PDE8B: variants seen among roughly 807,000 people sequenced by gnomAD.
PDE8B encodes the protein high affinity cAMP-specific and IBMX-insensitive 3',5'-cyclic phosphodiesterase 8B.
In PDE8B, 26 loss-of-function variants were observed where a neutral mutation model predicts 101.3. The ratio of observed to expected loss-of-function variants is 0.26; its 90% CI spans 0.19 to 0.36. The LOEUF (loss-of-function observed/expected upper bound fraction) is 0.36, where lower values mean the gene tolerates loss of function less well. PDE8B is among the 10% of genes least tolerant of loss of function. PDE8B has a pLI of 1.00. For missense variants in PDE8B, 810 were observed against 1,163.1 expected (o/e 0.70, Z 4.42); for synonymous variants, 424 against 429.3 (o/e 0.99, Z 0.15).
chr5:77,162,785 A>G, the PDE8B span, among the ~76,000 whole-genome samples: 14 of 152,314 alleles, frequency 9.2e-5, no homozygotes, highest in East Asian at 2.3e-3. Flanking sequence ...TGATTTACCA[A>G]TGGGCAGAGA....
At chr5:77,214,839 G>A (rs982805691) in intron 1 of PDE8B, among the ~76,000 whole-genome samples, 4 of 152,170 alleles carry the variant, frequency 2.6e-5, no homozygotes, top group Non-Finnish European at 5.9e-5. Flanking sequence ...TGGGGCCTGA[G>A]AATTTGAATT....
the PDE8B span, among the ~76,000 whole-genome samples, chr5:77,191,640 A>T: frequency 3.3e-5 from 5 of 152,186 alleles, no homozygotes; most frequent in African/African-American, 4.8e-5. Context: ...GGCGTGAGCC[A>T]CTGTGCCCGG....
chr5:77,197,658 T>C, the PDE8B span, among the ~76,000 whole-genome samples: 2 of 150,538 alleles, frequency 1.3e-5, no homozygotes, highest in Non-Finnish European at 2.9e-5. Context: ...TCTTTTCTTC[T>C]TTATTAGTCT....
intron 4 of PDE8B, among the ~76,000 whole-genome samples, chr5:77,330,064 C>T (rs1405490944): frequency 1.3e-5 from 2 of 152,204 alleles, no homozygotes; most frequent in African/African-American, 4.8e-5. Context: ...CTCACTGGTT[C>T]ATTACACCTC....
chr5:77,120,593 AATAAG>A, the PDE8B span, among the ~76,000 whole-genome samples: 1 of 152,238 alleles, frequency 6.6e-6, no homozygotes, highest in African/African-American at 2.4e-5. Flanking sequence ...AAAGAAATAG[AATAAG>A]ATATTAGTTG....
At chr5:77,101,134 T>TG in the PDE8B span, among the ~76,000 whole-genome samples, 1 of 149,324 alleles carries the variant, frequency 6.7e-6, no homozygotes, top group South Asian at 2.1e-4. Flanking sequence ...CACGCCTGCC[T>TG]GTTTTTTTTT....
chr5:77,290,443 A>G (rs1446620327), intron 1 of PDE8B: 1 of 1,451,582 alleles, frequency 6.9e-7, no homozygotes, highest in Non-Finnish European at 9.7e-7. Context: ...AGTGTGGCAG[A>G]CTATGAAGAA....
intron 20 of PDE8B, among the ~76,000 whole-genome samples, chr5:77,423,626 T>A (rs1678770): frequency 0.025 from 2,568 of 104,752 alleles, 86 homozygotes; most frequent in Non-Finnish European, 0.035. Context: ...ACTTTTGTTT[T>A]GTTTAGTTTT....
At chr5:77,325,503 G>T (rs1240115705) in intron 2 of PDE8B, 36 bp from the exon 3 acceptor site, 2 of 1,592,936 alleles carry the variant, frequency 1.3e-6, no homozygotes, top group South Asian at 1.1e-5. Flanking sequence ...TATGGATGAT[G>T]ATTTATTTCA....
At chr5:77,234,023 T>C (rs543682058) in intron 1 of PDE8B, among the ~76,000 whole-genome samples, 2 of 152,162 alleles carry the variant, frequency 1.3e-5, no homozygotes, top group South Asian at 4.1e-4. Context: ...GAGGTAACTT[T>C]AAGGGGCTGA....
chr5:77,360,250 G>C (rs1782856264), intron 10 of PDE8B, among the ~76,000 whole-genome samples: 1 of 110,646 alleles, frequency 9.0e-6, no homozygotes, highest in Admixed American at 9.5e-5. Context: ...TTTGGGAGGA[G>C]GGTTTTTTCC....
At chr5:77,207,407 C>A (rs1747589161), upstream of PDE8B, among the ~76,000 whole-genome samples, 3 of 152,210 alleles carry the variant, frequency 2.0e-5, no homozygotes, top group African/African-American at 7.2e-5. Context: ...TTATAAAACA[C>A]ACAAGCCATT....
chr5:77,193,605 G>A, the PDE8B span, among the ~76,000 whole-genome samples: 1 of 152,084 alleles, frequency 6.6e-6, no homozygotes, highest in African/African-American at 2.4e-5. Context: ...ATCAGGCACT[G>A]TTTGTCTTCT....
Position 77,418,409 on chromosome 5 carries a change from A to G in PDE8B, c.2092A>G (p.Lys698Glu). Residue 698 changes from lysine to glutamate, a missense_variant, in exon 18 of 22, where the codon AAG (lysine) becomes GAG (glutamate). Physicochemically the swap from Lys to Glu is moderately conservative, Grantham distance 56. Transcript: ENST00000264917. ...CGCCCTGGCCTTCCAGCTCACGGTC[A>G]AGGACACCAAATGCAACATTTTCAA... ...HTALAFQLTV[K>E]DTKCNIFKNI... 1 of 1,614,090 alleles carries G rather than the reference A, an allele frequency of 6.2e-7. No homozygotes were observed. Among genetic ancestry groups the G allele is most frequent in the Non-Finnish European group, 8.5e-7 (1 of 1,179,958 alleles).
At chr5:77,317,197 G>A (rs1347507371) in intron 2 of PDE8B, among the ~76,000 whole-genome samples, 2 of 151,930 alleles carry the variant, frequency 1.3e-5, no homozygotes, top group African/African-American at 4.8e-5. Flanking sequence ...GTGTTTTTAT[G>A]CTTCTTCTAC....
intron 1 of PDE8B, among the ~76,000 whole-genome samples, chr5:77,222,350 A>G (rs1751304495): frequency 1.3e-5 from 2 of 152,134 alleles, no homozygotes; most frequent in Non-Finnish European, 2.9e-5. Flanking sequence ...ATGGCCGGGC[A>G]TGGTGGCTCA....
At chr5:77,340,885 C>A (rs1779103612) in intron 6 of PDE8B, among the ~76,000 whole-genome samples, 1 of 152,128 alleles carries the variant, frequency 6.6e-6, no homozygotes, top group Non-Finnish European at 1.5e-5. Context: ...TTTACCTTTT[C>A]TCTCTGGACC....
chr5:77,395,732 C>A (rs1342396097), intron 10 of PDE8B, among the ~76,000 whole-genome samples: 1 of 150,442 alleles, frequency 6.6e-6, no homozygotes, highest in Non-Finnish European at 1.5e-5. Flanking sequence ...TCCTACCCCA[C>A]CCCCACCCCC....
At chr5:77,227,668 C>T (rs770667811) in intron 1 of PDE8B, among the ~76,000 whole-genome samples, 49 of 152,028 alleles carry the variant, frequency 3.2e-4, no homozygotes, top group African/African-American at 7.0e-4. Flanking sequence ...CTGTGAGCCA[C>T]GCAGAATGGA....
Sources: gnomAD v4.1 joint callset for allele counts (sites outside exome capture counted in the v4.1 genomes callset) on GRCh38, gnomAD v4.1.1 for gene constraint, MANE v1.5 for transcripts, NCBI Gene and HGNC (gene_info 2026-07-23, HGNC 2026-07-21) for gene names.